The following SEMA3D variants were observed in gnomAD, a reference collection of about 807,000 sequenced individuals.
SEMA3D encodes semaphorin 3D.
A neutral mutation model predicts 100.1 loss-of-function variants in SEMA3D; 84 were observed. That is an observed-to-expected ratio of 0.84 (90% confidence interval 0.70 to 1.01). The LOEUF is 1.01. Ranked by LOEUF, SEMA3D falls within the 50% of genes least tolerant of loss-of-function variation. The probability of loss-of-function intolerance (pLI) is 0.00; values close to 1 mark genes in which losing one functional copy is unlikely to be tolerated. For missense variants in SEMA3D, 875 were observed against 934.1 expected (o/e 0.94, Z 0.82); for synonymous variants, 312 against 320.7 (o/e 0.97, Z 0.29).
At chr7:85,105,861 T>C (rs1300832289) in intron 3 of SEMA3D, among the ~76,000 whole-genome samples, 1 of 152,090 alleles carries the variant, frequency 6.6e-6, no homozygotes, top group East Asian at 1.9e-4. Context: ...GTCTGTGTTC[T>C]TGCCAAGACA....
chr7:85,162,571 A>C (rs769132127), intron 1 of SEMA3D, among the ~76,000 whole-genome samples: 16 of 152,110 alleles, frequency 1.1e-4, no homozygotes, highest in Non-Finnish European at 2.2e-4. Context: ...AGTGAAAAAA[A>C]GCCAGAAATT....
At chr7:85,001,564 T>C (rs1226110490) in intron 18 of SEMA3D, among the ~76,000 whole-genome samples, 2 of 152,138 alleles carry the variant, frequency 1.3e-5, no homozygotes, top group African/African-American at 4.8e-5. Context: ...TTCATTGTAA[T>C]TTTTTAAAAT....
upstream of SEMA3D, among the ~76,000 whole-genome samples, chr7:85,190,626 A>G (rs1174171686): frequency 2.0e-5 from 3 of 152,068 alleles, no homozygotes; most frequent in African/African-American, 4.8e-5. Flanking sequence ...AAATCATCTG[A>G]TGTGTTTAAT....
chr7:85,115,330 G>C (rs537380183), intron 3 of SEMA3D, among the ~76,000 whole-genome samples: 1 of 152,052 alleles, frequency 6.6e-6, no homozygotes, highest in Admixed American at 6.6e-5. Context: ...ATAAGAAAGG[G>C]GTGATAATAC....
At chr7:85,089,840 G>A (rs751350257) in intron 4 of SEMA3D, among the ~76,000 whole-genome samples, 2 of 152,038 alleles carry the variant, frequency 1.3e-5, no homozygotes, top group Non-Finnish European at 2.9e-5. Context: ...GCAGTAAGCC[G>A]AGATCACATC....
the SEMA3D span, among the ~76,000 whole-genome samples, chr7:85,212,244 C>T: frequency 6.6e-6 from 1 of 152,070 alleles, no homozygotes; most frequent in East Asian, 1.9e-4. Flanking sequence ...AGGGAGGGCA[C>T]CTCTCAAACG....
intron 2 of SEMA3D, chr7:85,143,076 ATTAG>A: frequency 1.1e-6 from 1 of 929,520 alleles, no homozygotes; most frequent in Non-Finnish European, 1.3e-6. Context: ...CAAACTTACA[ATTAG>A]TTATTCACAA....
chr7:85,186,051 G>C (rs1201812522), intron 1 of SEMA3D, among the ~76,000 whole-genome samples: 1 of 152,168 alleles, frequency 6.6e-6, no homozygotes, highest in Non-Finnish European at 1.5e-5. Flanking sequence ...CAGACGGAAC[G>C]TCGCGATTCC....
intron 3 of SEMA3D, among the ~76,000 whole-genome samples, chr7:85,116,285 A>G (rs1789239862): frequency 1.4e-5 from 2 of 146,924 alleles, no homozygotes. Context: ...AATTGTATAC[A>G]TATACAATTT....
At chr7:85,205,624 G>T in the SEMA3D span, among the ~76,000 whole-genome samples, 1 of 151,818 alleles carries the variant, frequency 6.6e-6, no homozygotes, top group South Asian at 2.1e-4. Flanking sequence ...TCAAACCCTG[G>T]GACAATTTGT....
the SEMA3D span, among the ~76,000 whole-genome samples, chr7:85,208,331 T>C: frequency 6.6e-6 from 1 of 152,014 alleles, no homozygotes; most frequent in Admixed American, 6.6e-5. Flanking sequence ...TATTTCATCA[T>C]CCATAAGATA....
At chr7:85,159,509 T>C (rs1454945885) in intron 1 of SEMA3D, among the ~76,000 whole-genome samples, 1 of 152,136 alleles carries the variant, frequency 6.6e-6, no homozygotes, top group Non-Finnish European at 1.5e-5. Context: ...ACCACATGTG[T>C]ACTCTGAAGG....
intron 13 of SEMA3D, among the ~76,000 whole-genome samples, chr7:85,020,790 A>G (rs1790233603): frequency 6.6e-6 from 1 of 151,622 alleles, no homozygotes; most frequent in African/African-American, 2.4e-5. Context: ...AAATGAACAA[A>G]AAAATCATTG....
chr7:85,065,510 T>C lies in SEMA3D; in HGVS notation c.632A>G (p.Lys211Arg), dbSNP rs1404870290. Reference protein sequence around the residue: ...YSGTASDFLGKDTAFTRSLGP... With the variant: ...YSGTASDFLGRDTAFTRSLGP... ...AAGGGATCGAGTGAATGCAGTATCTTTGCCAAGGAAATCAGAAGCTGTTCC... is the reference window on the plus strand; with the variant it reads ...AAGGGATCGAGTGAATGCAGTATCTCTGCCAAGGAAATCAGAAGCTGTTCC... The change falls in exon 8 of 19, where the codon AAA (lysine) becomes AGA (arginine). Residue 211 changes from lysine (K) to arginine (R), a missense_variant. Transcript: ENST00000284136. The C allele has an allele frequency of 1.2e-6, 2 of 1,613,108 alleles. No individual in the cohort carries two copies. The highest frequency in any genetic ancestry group is 1.7e-6 in the Non-Finnish European group (2 of 1,179,256).
At chr7:85,179,560 C>G (rs1347797126) in intron 1 of SEMA3D, among the ~76,000 whole-genome samples, 1 of 152,114 alleles carries the variant, frequency 6.6e-6, no homozygotes, top group African/African-American at 2.4e-5. Context: ...TCCCCAATGC[C>G]TGTACCCCAA....
chr7:85,058,747 C>CAAAAAAAAA (rs67267318), intron 8 of SEMA3D, among the ~76,000 whole-genome samples: 5 of 64,272 alleles, frequency 7.8e-5, no homozygotes, highest in Non-Finnish European at 1.6e-4. Flanking sequence ...GACTCCACTA[C>CAAAAAAAAA]AAAAAAAAAA....
At chr7:85,033,858 T>TAC (rs71082183) in intron 12 of SEMA3D, among the ~76,000 whole-genome samples, 8,289 of 141,100 alleles carry the variant, frequency 0.059, 320 homozygotes, top group African/African-American at 0.1. Flanking sequence ...ATCACACACA[T>TAC]ACACACACAC....
chr7:85,177,937 G>A (rs553940294), intron 1 of SEMA3D, among the ~76,000 whole-genome samples: 2 of 152,258 alleles, frequency 1.3e-5, no homozygotes, highest in Admixed American at 6.5e-5. Flanking sequence ...GGGATCTCAT[G>A]GGAGGTGATT....
chr7:85,014,956 G>A (rs9642199), intron 16 of SEMA3D, 103 bp downstream of exon 16: 1 of 779,298 alleles, frequency 1.3e-6, no homozygotes, highest in Non-Finnish European at 2.0e-6. Flanking sequence ...GGACATGTTA[G>A]TAATATATTT....
Sources: allele counts gnomAD v4.1 joint callset (sites outside exome capture counted in the v4.1 genomes callset), GRCh38; gene constraint gnomAD v4.1.1; transcripts MANE v1.5; gene names NCBI Gene and HGNC (gene_info 2026-07-23, HGNC 2026-07-21).